Variants in ITM2A observed in about 807,000 individuals in gnomAD.
ITM2A encodes the protein BRICHOS domain containing 2A.
ITM2A carries 11 observed loss-of-function variants against 16.6 expected under a neutral mutation model. The observed-to-expected ratio is 0.66, with a 90% CI of 0.42 to 1.10. ITM2A has a LOEUF of 1.10. Ranked by LOEUF, ITM2A falls within the 50% of genes least tolerant of loss-of-function variation. ITM2A has a pLI of 0.00. For missense variants in ITM2A, 243 were observed against 206.8 expected, an observed-to-expected ratio of 1.17 and a Z score of -1.07; for synonymous variants, 102 against 71.2, an observed-to-expected ratio of 1.43 and a Z score of -2.18.
At position 79,362,586 on chromosome X, in the gene ITM2A, G is replaced by C. The variant is rs1262574825; in HGVS notation, c.547C>G (p.Leu183Val). The C allele has an allele frequency of 7.8e-6, 9 of 1,153,859 alleles. No individual in the cohort carries two copies. The highest frequency in any genetic ancestry group is 1.1e-5 in the Non-Finnish European group (9 of 855,801). Residue 183 changes from leucine to valine, a missense_variant, in exon 4 of 6, where the codon CTG becomes GTG. Physicochemically the swap from Leu to Val is conservative, Grantham distance 32. Coordinates refer to ENST00000373298, the MANE Select transcript of ITM2A (RefSeq NM_004867.5). ...TTGACTTCCAAAATACATACCGCCA[G>C]TTTGCCAAAGAGCTCTACCAGATTT... is the stretch of plus-strand genomic sequence containing the variant. ...PKNLVELFGK[L>V]ASGRYLPQTY...
At chrX:79,361,684 G>A (rs1050701488) in intron 4 of ITM2A, among the ~76,000 whole-genome samples, 1 of 110,727 alleles carries the variant, frequency 9.0e-6, no homozygotes, top group Non-Finnish European at 1.9e-5. Context: ...TCCACCCTCT[G>A]AAAGGCCCCA....
intron 1 of ITM2A, among the ~76,000 whole-genome samples, chrX:79,366,174 G>C (rs1285459326): frequency 9.0e-6 from 1 of 111,436 alleles, no homozygotes; most frequent in Non-Finnish European, 1.9e-5. Flanking sequence ...GTGTTTAAAA[G>C]AAGTAGAAAT....
Position 79,363,412 on chromosome X carries a change from A to G in ITM2A, c.243+11T>C, listed in dbSNP as rs759407261. 1.0e-5 allele frequency: 11 copies of G among 1,080,988 alleles called. No individual in the cohort carries two copies. In the South Asian group the frequency reaches 2.4e-4, roughly 23 times the overall value. 89.1% of individuals were successfully genotyped at this position (1,080,988 alleles called of 1,213,427 possible). ...AATCCAAAGTATAATAATTATAATT[A>G]TTATTATTACCTTGGGCATGAAGTA... On this transcript the variant is annotated intron_variant, in intron 2 of 5. Transcript: ENST00000373298.
In ITM2A at chrX:79,362,987, A is replaced by G; in HGVS notation, c.396T>C (p.Ser132=). ...NIAIIDVPVP[S]FSDSDPAAII... is the part of the protein sequence containing the mutation. ...TTGCTGCAGGGTCACTATCAGAGAA[A>G]CTGGGGACAGGCACATCAATGATTG... The change falls in exon 3 of 6, where the codon AGT becomes AGC. Residue 132 remains serine (S), a synonymous_variant. Transcript: ENST00000373298. The G allele has an allele frequency of 8.3e-7, 1 of 1,208,343 alleles. No homozygotes were observed. Among genetic ancestry groups the G allele is most frequent in the Non-Finnish European group, 1.1e-6 (1 of 892,578 alleles).
In ITM2A at chrX:79,362,976, C is replaced by T. The variant is rs1401450071; in HGVS notation, c.407G>A (p.Ser136Asn). 1 of 1,207,121 alleles carries T rather than the reference C, an allele frequency of 8.3e-7. No individual in the cohort carries two copies. ...GTCATGAATAATTGCTGCAGGGTCACTATCAGAGAAACTGGGGACAGGCAC... is the reference window on the plus strand; with the variant it reads ...GTCATGAATAATTGCTGCAGGGTCATTATCAGAGAAACTGGGGACAGGCAC... ...IDVPVPSFSDSDPAAIIHDFE... is the reference protein window; with the variant it reads ...IDVPVPSFSDNDPAAIIHDFE... Residue 136 changes from serine to asparagine, a missense_variant, in exon 3 of 6, where the codon AGT (serine) becomes AAT (asparagine). Physicochemically the swap from Ser to Asn is conservative, Grantham distance 46. Coordinates refer to ENST00000373298, the MANE Select transcript of ITM2A (RefSeq NM_004867.5).
chrX:79,365,149 T>A (rs775445376), intron 1 of ITM2A, among the ~76,000 whole-genome samples: 2 of 111,817 alleles, frequency 1.8e-5, no homozygotes, highest in Admixed American at 9.5e-5. Context: ...CTAAGAGAAA[T>A]AAATTTATTT....
At chrX:79,365,941 G>C (rs780943595) in intron 1 of ITM2A, among the ~76,000 whole-genome samples, 53 of 112,262 alleles carry the variant, frequency 4.7e-4, no homozygotes, top group African/African-American at 1.6e-3. Context: ...CAAATTGTGT[G>C]TACAATCAAC....
rs1040337299 is a variant in ITM2A, at chrX:79,360,993, TG to T, written c.*95del. 1.9e-5 allele frequency: 8 copies of T among 423,457 alleles called. No individual in the cohort carries two copies. Among genetic ancestry groups the T allele is most frequent in the Non-Finnish European group, 2.7e-5 (7 of 254,963 alleles). 34.9% of individuals were successfully genotyped at this position (423,457 alleles called of 1,213,427 possible). ...AAGCATAAGCAATAGAGTAAATGCA[TG>T]AGTAAATATCTTGAGTATCCCATAA... On this transcript the variant is annotated 3_prime_UTR_variant, in exon 6 of 6. Transcript: ENST00000373298.
rs770079462 is a variant in ITM2A, at chrX:79,363,078, C to T, written c.305G>A (p.Arg102His). 1.7e-5 allele frequency: 21 copies of T among 1,207,358 alleles called. No homozygotes were observed. In the South Asian group the frequency reaches 3.2e-4, roughly 18 times the overall value. ...AGGCAGGAAGTTAGGCTCTCCTCCA[C>T]GAAGGGAATTTGCAGGATCCTCAGA... ...FDSEDPANSL[R>H]GGEPNFLPVT... Residue 102 changes from arginine (R) to histidine (H), a missense_variant, in exon 3 of 6, where the codon CGT (arginine) becomes CAT (histidine). Coordinates refer to ENST00000373298, the MANE Select transcript of ITM2A (RefSeq NM_004867.5).
In ITM2A at chrX:79,362,665, C is replaced by T; in HGVS notation, c.468G>A (p.Leu156=). Residue 156 remains leucine, a synonymous_variant, in exon 4 of 6, where the codon TTG becomes TTA. Coordinates refer to ENST00000373298, the MANE Select transcript of ITM2A (RefSeq NM_004867.5). ...EKGMTAYLDL[L]LGNCYLMPLN... ...GGGGCATCAGATAGCAGTTCCCCAG[C>T]AACAAGTCCAGGTAAGCAGTCATTC... 1 of 1,203,946 alleles carries T rather than the reference C, an allele frequency of 8.3e-7. No homozygotes were observed. Among genetic ancestry groups the T allele is most frequent in the East Asian group, 3.0e-5 (1 of 33,781 alleles).
rs1255546212 is a variant in ITM2A at position 79,362,669 on chromosome X, A to G, written c.464T>C (p.Leu155Ser). ...CATCAGATAGCAGTTCCCCAGCAAC[A>G]AGTCCAGGTAAGCAGTCATTCCCTG... is the stretch of plus-strand genomic sequence containing the variant. ...FEKGMTAYLD[L>S]LLGNCYLMPL... is the part of the protein sequence containing the mutation. Residue 155 changes from leucine (L) to serine (S), a missense_variant, in exon 4 of 6, where the codon TTG becomes TCG. Coordinates refer to ENST00000373298, the MANE Select transcript of ITM2A (RefSeq NM_004867.5). 3 of 1,198,741 alleles carry G rather than the reference A, an allele frequency of 2.5e-6. No individual in the cohort carries two copies. In the African/African-American group the frequency reaches 5.3e-5, roughly 21 times the overall value.
intron 4 of ITM2A, among the ~76,000 whole-genome samples, chrX:79,362,314 G>A (rs967325097): frequency 1.8e-5 from 2 of 111,080 alleles, no homozygotes; most frequent in Admixed American, 9.6e-5. Flanking sequence ...TTTGTGGCCC[G>A]CATGTATGTC....
At chrX:79,363,925 G>GTATTAA (rs1238123554) in intron 1 of ITM2A, among the ~76,000 whole-genome samples, 1 of 111,645 alleles carries the variant, frequency 9.0e-6, no homozygotes, top group African/African-American at 3.3e-5. Flanking sequence ...GTATAATATA[G>GTATTAA]TATTAACAAT....
chrX:79,365,928 T>G (rs1330944038), intron 1 of ITM2A, among the ~76,000 whole-genome samples: 1 of 112,398 alleles, frequency 8.9e-6, no homozygotes, highest in African/African-American at 3.2e-5. Flanking sequence ...CACATTAACA[T>G]TTCAAATTGT....
In ITM2A at chrX:79,361,325, T is replaced by C; in HGVS notation, c.703+4A>G. 8.3e-7 allele frequency: 1 copy of C among 1,205,933 alleles called. No homozygotes were observed. On this transcript the variant is annotated splice_donor_region_variant and intron_variant, in intron 5 of 5. Coordinates refer to ENST00000373298, the MANE Select transcript of ITM2A (RefSeq NM_004867.5). ...GTGAAGGAAGGAATACATTAGTTAC[T>C]TACCCAGCAAGAGGTCTCTGCGACG...
At chrX:79,361,214 T>C (rs1925404444) in intron 5 of ITM2A, 37 bp from the exon 6 acceptor site, 1 of 1,146,285 alleles carries the variant, frequency 8.7e-7, no homozygotes. Flanking sequence ...GCTTTTGAAA[T>C]TTTTGTGGAA....
Position 79,360,947 on chromosome X carries a change from T to TC in ITM2A, c.*141_*142insG, listed in dbSNP as rs891679727. On this transcript the variant is annotated 3_prime_UTR_variant, in exon 6 of 6. Coordinates refer to ENST00000373298, the MANE Select transcript of ITM2A (RefSeq NM_004867.5). ...GACAAGAGCTTGCAGTGGTTAGTAG[T>TC]TTTTTTTTTTCCTTTTTTTAAAGCA... The TC allele has an allele frequency of 5.1e-6, 1 of 195,129 alleles. No homozygotes were observed. Among genetic ancestry groups the TC allele is most frequent in the African/African-American group, 1.3e-4 (1 of 7,881 alleles). 16.1% of individuals were successfully genotyped at this position (195,129 alleles called of 1,213,427 possible).
chrX:79,366,175 A>G (rs2147252207), intron 1 of ITM2A, among the ~76,000 whole-genome samples: 1 of 111,601 alleles, frequency 9.0e-6, no homozygotes, highest in African/African-American at 3.3e-5. Flanking sequence ...TGTTTAAAAG[A>G]AGTAGAAATA....
intron 3 of ITM2A, 87 bp downstream of exon 3, chrX:79,362,855 G>C: frequency 2.6e-6 from 2 of 761,326 alleles, no homozygotes; most frequent in Non-Finnish European, 3.9e-6. Context: ...GTGCATTCAT[G>C]AATGAATTTA....
Sources: gnomAD v4.1 joint callset for allele counts (sites outside exome capture counted in the v4.1 genomes callset) on GRCh38, gnomAD v4.1.1 for gene constraint, MANE v1.5 for transcripts, NCBI Gene and HGNC (gene_info 2026-07-23, HGNC 2026-07-21) for gene names.